Variants in EIF3H observed in about 807,000 individuals in gnomAD.
EIF3H encodes eukaryotic translation initiation factor 3 subunit H, also known as eIF-3-gamma.
EIF3H carries 26 observed loss-of-function variants against 44.2 expected under a neutral mutation model. The observed-to-expected ratio is 0.59, with a 90% CI of 0.43 to 0.82. EIF3H has a LOEUF of 0.82. Ranked by LOEUF, EIF3H falls within the 40% of genes least tolerant of loss-of-function variation. The probability of loss-of-function intolerance (pLI) is 0.00; values close to 1 mark genes in which losing one functional copy is unlikely to be tolerated. For synonymous variants in EIF3H, 166 were observed against 151.9 expected, an observed-to-expected ratio of 1.09 and a Z score of -0.68; for missense variants, 359 against 432.8, an observed-to-expected ratio of 0.83 and a Z score of 1.51.
chr8:116,677,660 G>A (rs567298880), intron 2 of EIF3H, among the ~76,000 whole-genome samples: 3 of 152,254 alleles, frequency 2.0e-5, no homozygotes, highest in East Asian at 1.9e-4. Context: ...CATACTGCAC[G>A]TAAGGTAGGT....
upstream of EIF3H, among the ~76,000 whole-genome samples, chr8:116,758,118 A>G (rs1433713854): frequency 6.6e-6 from 1 of 152,228 alleles, no homozygotes; most frequent in East Asian, 1.9e-4. Flanking sequence ...TCTATAAGAA[A>G]CTCACTTCAA....
At chr8:116,697,374 G>A in intron 2 of EIF3H, 1 of 365,238 alleles carries the variant, frequency 2.7e-6, no homozygotes, top group Non-Finnish European at 5.4e-6. Context: ...CAACCCAATT[G>A]CTGGTCAGTG....
At chr8:116,760,171 C>T (rs115798181), upstream of EIF3H, among the ~76,000 whole-genome samples, 1,791 of 152,336 alleles carry the variant, frequency 0.012, 38 homozygotes, top group African/African-American at 0.04. Context: ...TGTCTCCTGC[C>T]ATGTTTGGGT....
At chr8:116,721,866 A>G (rs1049762762) in intron 2 of EIF3H, among the ~76,000 whole-genome samples, 2 of 152,340 alleles carry the variant, frequency 1.3e-5, no homozygotes, top group Middle Eastern at 3.4e-3. Flanking sequence ...CTAGGAAGTA[A>G]CTAACTTGCT....
intron 2 of EIF3H, among the ~76,000 whole-genome samples, chr8:116,687,048 T>C (rs998208984): frequency 2.6e-5 from 4 of 152,124 alleles, no homozygotes; most frequent in African/African-American, 9.7e-5. Context: ...ACACTCAAAC[T>C]TCTGCTGTAA....
chr8:116,668,466 T>C (rs1326461173), intron 2 of EIF3H, among the ~76,000 whole-genome samples: 2 of 152,210 alleles, frequency 1.3e-5, no homozygotes, highest in Non-Finnish European at 2.9e-5. Context: ...AAGAAGTACA[T>C]ACATATACAT....
intron 1 of EIF3H, among the ~76,000 whole-genome samples, chr8:116,744,788 TG>T (rs1168631830): frequency 2.0e-5 from 3 of 152,266 alleles, no homozygotes; most frequent in African/African-American, 4.8e-5. Context: ...CTAAGTTTTC[TG>T]TAAGTGCTAA....
intron 2 of EIF3H, among the ~76,000 whole-genome samples, chr8:116,723,029 A>G (rs1814778132): frequency 6.6e-6 from 1 of 152,200 alleles, no homozygotes; most frequent in Admixed American, 6.5e-5. Flanking sequence ...AATTAGTAAT[A>G]TATTTTGTTT....
At chr8:116,650,515 G>T (rs564608186) in intron 5 of EIF3H, among the ~76,000 whole-genome samples, 1 of 152,232 alleles carries the variant, frequency 6.6e-6, no homozygotes, top group South Asian at 2.1e-4. Flanking sequence ...ATCAAATGAT[G>T]AATAGATAAA....
At chr8:116,682,698 T>C (rs1277096912) in intron 2 of EIF3H, among the ~76,000 whole-genome samples, 2 of 152,250 alleles carry the variant, frequency 1.3e-5, no homozygotes, top group Non-Finnish European at 2.9e-5. Flanking sequence ...ATTAAGGTTA[T>C]ACAGAGTAGT....
chr8:116,666,712 A>G (rs1441988101), intron 2 of EIF3H, among the ~76,000 whole-genome samples: 2 of 132,972 alleles, frequency 1.5e-5, no homozygotes, highest in Admixed American at 8.2e-5. Flanking sequence ...AATTAAGAGC[A>G]TGGTATGTTA....
intron 2 of EIF3H, among the ~76,000 whole-genome samples, chr8:116,709,760 G>T (rs542355941): frequency 6.6e-6 from 1 of 152,218 alleles, no homozygotes; most frequent in Non-Finnish European, 1.5e-5. Context: ...AAAATGCTAG[G>T]ATTATTAAAT....
chr8:116,739,695 T>C (rs191189269), intron 1 of EIF3H, among the ~76,000 whole-genome samples: 25 of 152,284 alleles, frequency 1.6e-4, no homozygotes, highest in Admixed American at 1.1e-3. Flanking sequence ...TAAATCTCTG[T>C]TGGAGACTCT....
At position 116,751,217 on chromosome 8, in the gene EIF3H, A is replaced by AAAAT. The variant is rs1554603732; in HGVS notation, c.132+4448_132+4449insATTT. On this transcript the variant is annotated intron_variant, in intron 1 of 7. Coordinates refer to ENST00000521861, the MANE Select transcript of EIF3H (RefSeq NM_003756.3). ...ACAGAGCGAGACTCCGTCTCAAAAAAAAAATAAAATAAAATAAAATAAAAT... is the reference window on the plus strand; with the variant it reads ...ACAGAGCGAGACTCCGTCTCAAAAAAAAATAAAATAAAATAAAATAAAATAAAAT... Among the ~76,000 whole-genome samples the AAAAT allele has an allele frequency of 4.6e-3, 683 of 147,190 alleles. 3 individuals carry two copies. Among genetic ancestry groups the AAAAT allele is most frequent in the Non-Finnish European group, 7.4e-3 (489 of 66,384 alleles).
intron 1 of EIF3H, among the ~76,000 whole-genome samples, chr8:116,730,080 A>G (rs542967341): frequency 6.6e-6 from 1 of 152,332 alleles, no homozygotes; most frequent in South Asian, 2.1e-4. Flanking sequence ...TCATTGTGAC[A>G]TTTTATGATC....
chr8:116,658,497 TC>T (rs1310244545), intron 3 of EIF3H: 2 of 243,994 alleles, frequency 8.2e-6, no homozygotes, highest in Non-Finnish European at 1.6e-5. Context: ...AGCCAGACAC[TC>T]TAGCAATCGG....
intron 1 of EIF3H, among the ~76,000 whole-genome samples, chr8:116,752,897 T>A (rs1480103216): frequency 1.3e-5 from 2 of 151,946 alleles, no homozygotes; most frequent in South Asian, 2.1e-4. Context: ...GAGTTTTTTT[T>A]AAATTGTATC....
intron 2 of EIF3H, among the ~76,000 whole-genome samples, chr8:116,682,269 G>A (rs1033155586): frequency 2.0e-5 from 3 of 152,156 alleles, no homozygotes; most frequent in Admixed American, 2.0e-4. Context: ...GGCAATCGGG[G>A]CAATACATAG....
rs752783910 is a variant in EIF3H at position 116,755,788 on chromosome 8, G to C, written c.10C>G (p.Arg4Gly). Residue 4 changes from arginine to glycine, a missense_variant, in exon 1 of 8, where the codon CGC becomes GGC. By Grantham distance (125) the Arg-to-Gly change is moderately radical (BLOSUM62 -2). Around this residue, in one of 5 missense-constraint regions of EIF3H, gnomAD observed 59 missense variants for 33.5 expected, o/e 1.76. Coordinates refer to ENST00000521861, the MANE Select transcript of EIF3H (RefSeq NM_003756.3). MAS[R>G]KEGTGSTATS... ...GCAGTAGAGCCGGTACCTTCCTTGC[G>C]GGACGCCATCTTTCCAAGCAGACAG... 1.4e-5 allele frequency: 22 copies of C among 1,613,544 alleles called. No homozygotes were observed. The highest frequency in any genetic ancestry group is 1.5e-5 in the Non-Finnish European group (18 of 1,180,026).
Sources: allele counts gnomAD v4.1 joint callset (sites outside exome capture counted in the v4.1 genomes callset), GRCh38; gene constraint gnomAD v4.1.1; regional missense constraint gnomAD v4.1.1; transcripts MANE v1.5; gene names NCBI Gene and HGNC (gene_info 2026-07-23, HGNC 2026-07-21).